MAST4: variants seen among roughly 807,000 people sequenced by gnomAD.
MAST4 encodes the protein microtubule-associated serine/threonine-protein kinase 4.
A neutral mutation model predicts 162.7 loss-of-function variants in MAST4; 89 were observed. That is an observed-to-expected ratio of 0.55 (90% CI 0.46 to 0.65). The LOEUF is 0.65. Ranked by LOEUF, MAST4 falls within the 30% of genes least tolerant of loss-of-function variation. The probability of loss-of-function intolerance (pLI) is 0.00; values close to 1 mark genes in which losing one functional copy is unlikely to be tolerated. For synonymous variants in MAST4, 1,479 were observed against 1,361.1 expected, an observed-to-expected ratio of 1.09 and a Z score of -1.91; for missense variants, 3,153 against 3,374.0, an observed-to-expected ratio of 0.93 and a Z score of 1.62.
intron 2 of MAST4, among the ~76,000 whole-genome samples, chr5:66,775,795 A>C (rs1408143256): frequency 3.3e-5 from 5 of 152,034 alleles, no homozygotes; most frequent in African/African-American, 1.2e-4. Flanking sequence ...AGGGACCTTT[A>C]ACAAATGGCC....
intron 3 of MAST4, among the ~76,000 whole-genome samples, chr5:66,811,191 G>A (rs1413530884): frequency 3.3e-5 from 5 of 152,186 alleles, no homozygotes; most frequent in African/African-American, 7.2e-5. Flanking sequence ...TGTCAGTAAC[G>A]CTCTGCTGCC....
intron 2 of MAST4, among the ~76,000 whole-genome samples, chr5:66,768,756 T>C (rs935617176): frequency 2.0e-5 from 3 of 152,182 alleles, no homozygotes; most frequent in African/African-American, 7.2e-5. Flanking sequence ...GATATTGTAC[T>C]AAGGTTTTTC....
At chr5:66,780,512 G>A (rs570918023) in intron 2 of MAST4, among the ~76,000 whole-genome samples, 1 of 152,184 alleles carries the variant, frequency 6.6e-6, no homozygotes, top group African/African-American at 2.4e-5. Context: ...GCGGACCTTC[G>A]TGGCGAGTGT....
chr5:67,023,203 A>G (rs1036716925), intron 4 of MAST4, among the ~76,000 whole-genome samples: 2 of 152,168 alleles, frequency 1.3e-5, no homozygotes, highest in Non-Finnish European at 2.9e-5. Flanking sequence ...TCCATTGTAT[A>G]TATGTTATTG....
At position 66,746,281 on chromosome 5, in the gene MAST4, G is replaced by T. The variant is rs544569571; in HGVS notation, c.364-13428G>T. ...GTTCTAAGAATCCTGTCTTTGTGGA[G>T]TCTTCTCAGACTGGGGATGTAAGAG... is the stretch of plus-strand genomic sequence containing the variant. On this transcript the variant is annotated intron_variant, in intron 1 of 28. Coordinates refer to ENST00000403625, the MANE Select transcript of MAST4 (RefSeq NM_001164664.2). Among the ~76,000 whole-genome samples, 4 of 152,308 alleles carry T rather than the reference G, an allele frequency of 2.6e-5. No individual in the cohort carries two copies. In the East Asian group the frequency reaches 7.7e-4, roughly 29 times the overall value.
At chr5:66,659,725 A>C (rs1361885091) in intron 1 of MAST4, among the ~76,000 whole-genome samples, 1 of 152,252 alleles carries the variant, frequency 6.6e-6, no homozygotes, top group Non-Finnish European at 1.5e-5. Context: ...AAGAAAGCAT[A>C]GTCTTCACAG....
chr5:66,651,793 A>G (rs758347171), intron 1 of MAST4, among the ~76,000 whole-genome samples: 3 of 152,090 alleles, frequency 2.0e-5, no homozygotes, highest in African/African-American at 7.2e-5. Context: ...CCTACTTCCT[A>G]ACTCACTCAT....
intron 1 of MAST4, among the ~76,000 whole-genome samples, chr5:66,671,179 C>A (rs572488846): frequency 3.6e-4 from 55 of 152,236 alleles, no homozygotes; most frequent in South Asian, 1.9e-3. Flanking sequence ...AGGTAAAACC[C>A]AACTGATAGT....
chr5:67,021,487 C>T (rs148629310), intron 4 of MAST4, among the ~76,000 whole-genome samples: 1 of 152,198 alleles, frequency 6.6e-6, no homozygotes, highest in African/African-American at 2.4e-5. Context: ...TTGCAAATAC[C>T]ATATTTAGCA....
chr5:67,148,850 A>G (rs77000684), intron 23 of MAST4, among the ~76,000 whole-genome samples: 1 of 152,348 alleles, frequency 6.6e-6, no homozygotes, highest in Non-Finnish European at 1.5e-5. Flanking sequence ...GCCTCAGCCT[A>G]GTATGAGGTG....
In MAST4 at chr5:66,718,253, G is replaced by T. The variant is rs10038783; in HGVS notation, c.364-41456G>T. Among the ~76,000 whole-genome samples the T allele has an allele frequency of 2.3e-3, 323 of 142,116 alleles. 1 individual carries two copies. The highest frequency in any genetic ancestry group is 8.5e-3 in the African/African-American group (304 of 35,758). 93.2% of individuals were successfully genotyped at this position (142,116 alleles called of 152,430 possible). A position where few individuals can be genotyped will look rare whatever the true frequency, so the allele number is the denominator to read the frequency against. ...GGGACTCTATTTGAAGGTTTTTTTT[G>T]TTTGTTTTTTTGTTTTTTTGTTTTC... On this transcript the variant is annotated intron_variant, in intron 1 of 28. Coordinates refer to ENST00000403625, the MANE Select transcript of MAST4 (RefSeq NM_001164664.2).
At position 67,078,911 on chromosome 5, in the gene MAST4, A is replaced by AATAAATATATATAT. The variant is rs1227485756; in HGVS notation, c.764-11248_764-11247insAATATATATATATA. 4.0e-3 allele frequency among the ~76,000 whole-genome samples: 153 copies of AATAAATATATATAT among 38,090 alleles called. 18 individuals carry two copies. The highest frequency in any genetic ancestry group is 4.4e-3 in the Non-Finnish European group (101 of 22,714). 25.0% of individuals were successfully genotyped at this position (38,090 alleles called of 152,430 possible). A position where few individuals can be genotyped will look rare whatever the true frequency, so the allele number is the denominator to read the frequency against. ...TTATATATTTATATATTTTTATATA[A>AATAAATATATATAT]ATATATATATATATATATATATATA... On this transcript the variant is annotated intron_variant, in intron 5 of 28. Coordinates refer to ENST00000403625, the MANE Select transcript of MAST4 (RefSeq NM_001164664.2).
At chr5:66,993,795 T>A (rs1021487111) in intron 4 of MAST4, among the ~76,000 whole-genome samples, 2 of 152,156 alleles carry the variant, frequency 1.3e-5, no homozygotes, top group Non-Finnish European at 2.9e-5. Context: ...AAATATTCCA[T>A]TAAAAGAGGT....
At chr5:66,657,652 G>C (rs72761204) in intron 1 of MAST4, among the ~76,000 whole-genome samples, 1 of 152,160 alleles carries the variant, frequency 6.6e-6, no homozygotes, top group African/African-American at 2.4e-5. Flanking sequence ...ACATGCGTGA[G>C]TAATATCAGC....
chr5:67,155,701 C>T (rs1362517432), intron 26 of MAST4, among the ~76,000 whole-genome samples: 1 of 152,142 alleles, frequency 6.6e-6, no homozygotes, highest in South Asian at 2.1e-4. Context: ...TTACCATCCT[C>T]CCATATCTGT....
At position 66,639,265 on chromosome 5, in the gene MAST4, A is replaced by G. The variant is rs560174079; in HGVS notation, c.363+42247A>G. On this transcript the variant is annotated intron_variant, in intron 1 of 28. Transcript: ENST00000403625. The stretch of plus-strand genomic sequence containing the variant: ...GGAAGTGGTCAGTGTGTTGATTAGT[A>G]CTGAGAGGCAGCTTGTGTGTGTGTG... Among the ~76,000 whole-genome samples the G allele has an allele frequency of 5.4e-5, 6 of 110,558 alleles. No homozygotes were observed. The East Asian group carries it at 1.4e-3, about 25-fold the overall frequency. The allele number at this position is 110,558 out of a possible 152,430, so 72.5% of individuals were successfully genotyped here.
chr5:66,870,440 A>G (rs1284715227), intron 3 of MAST4, among the ~76,000 whole-genome samples: 1 of 152,198 alleles, frequency 6.6e-6, no homozygotes, highest in Non-Finnish European at 1.5e-5. Context: ...CAGAGAAATC[A>G]TGTTCCAGTT....
Position 67,130,319 on chromosome 5 carries a change from C to T in MAST4, c.1855C>T (p.Arg619Trp). ...RNQIQQAFVERDILTFAENPF... is the reference protein window; with the variant it reads ...RNQIQQAFVEWDILTFAENPF... ...CCAGATCCAGCAGGCCTTTGTGGAGCGGGATATCCTGACTTTTGCAGAAAA... is the reference window on the plus strand; with the variant it reads ...CCAGATCCAGCAGGCCTTTGTGGAGTGGGATATCCTGACTTTTGCAGAAAA... Residue 619 changes from arginine (R) to tryptophan (W), a missense_variant, in exon 15 of 29, where the codon CGG (arginine) becomes TGG (tryptophan). Coordinates refer to ENST00000403625, the MANE Select transcript of MAST4 (RefSeq NM_001164664.2). The T allele has an allele frequency of 1.2e-6, 2 of 1,613,878 alleles. No homozygotes were observed. Among genetic ancestry groups the T allele is most frequent in the Non-Finnish European group, 1.7e-6 (2 of 1,179,852 alleles).
At chr5:66,701,801 A>G (rs909212815) in intron 1 of MAST4, among the ~76,000 whole-genome samples, 1 of 150,622 alleles carries the variant, frequency 6.6e-6, no homozygotes, top group Admixed American at 6.8e-5. Flanking sequence ...GATCATATCA[A>G]CCTTATAGGT....
Sources: gnomAD v4.1 joint callset for allele counts (sites outside exome capture counted in the v4.1 genomes callset) on GRCh38, gnomAD v4.1.1 for gene constraint, MANE v1.5 for transcripts, NCBI Gene and HGNC (gene_info 2026-07-23, HGNC 2026-07-21) for gene names.